The following CNTN5 variants were observed in gnomAD, a reference collection of about 807,000 sequenced individuals.
CNTN5 encodes contactin 5, also known as contactin-5.
In CNTN5, 77 loss-of-function variants were observed where a neutral mutation model predicts 129.1. The ratio of observed to expected loss-of-function variants is 0.60; its 90% CI spans 0.50 to 0.72. CNTN5 has a LOEUF of 0.72. Ranked by LOEUF, CNTN5 falls within the 30% of genes least tolerant of loss-of-function variation. The pLI is 0.00. For synonymous variants in CNTN5, 509 were observed against 465.6 expected (o/e 1.09, Z -1.20); for missense variants, 1,478 against 1,328.8 (o/e 1.11, Z -1.75).
At chr11:99,207,261 T>A (rs890658493) in intron 1 of CNTN5, among the ~76,000 whole-genome samples, 5 of 152,174 alleles carry the variant, frequency 3.3e-5, no homozygotes, top group Non-Finnish European at 7.3e-5. Flanking sequence ...CTGAAGCATG[T>A]ACCACATACA....
chr11:99,483,472 G>A (rs1026463369), intron 2 of CNTN5, among the ~76,000 whole-genome samples: 2 of 152,034 alleles, frequency 1.3e-5, no homozygotes, highest in Non-Finnish European at 2.9e-5. Context: ...TAAACTCCAC[G>A]ATTTTGTCTC....
At chr11:100,150,777 C>T (rs1385913650) in intron 13 of CNTN5, among the ~76,000 whole-genome samples, 1 of 152,040 alleles carries the variant, frequency 6.6e-6, no homozygotes, top group Non-Finnish European at 1.5e-5. Context: ...ACATTAACAA[C>T]AATATTGCAT....
At chr11:99,140,852 C>T (rs927474520) in intron 1 of CNTN5, among the ~76,000 whole-genome samples, 6 of 150,992 alleles carry the variant, frequency 4.0e-5, no homozygotes, top group African/African-American at 4.9e-5. Flanking sequence ...CCTACTTGAT[C>T]GTGGTGGATT....
chr11:99,545,568 C>A (rs892415710), intron 2 of CNTN5, among the ~76,000 whole-genome samples: 7 of 152,134 alleles, frequency 4.6e-5, no homozygotes, highest in Non-Finnish European at 8.8e-5. Flanking sequence ...TTATTCATAT[C>A]ACGTTATACA....
At chr11:99,156,003 C>A (rs1330747026) in intron 1 of CNTN5, among the ~76,000 whole-genome samples, 1 of 151,796 alleles carries the variant, frequency 6.6e-6, no homozygotes, top group Non-Finnish European at 1.5e-5. Flanking sequence ...AAAATGTAGA[C>A]AAATATTTTT....
intron 6 of CNTN5, among the ~76,000 whole-genome samples, chr11:99,850,148 C>G (rs1477177461): frequency 6.6e-6 from 1 of 152,122 alleles, no homozygotes; most frequent in African/African-American, 2.4e-5. Context: ...CATTGAGTTT[C>G]TTTCCAGATC....
intron 1 of CNTN5, among the ~76,000 whole-genome samples, chr11:99,266,565 G>C (rs1862904980): frequency 6.6e-6 from 1 of 152,014 alleles, no homozygotes; most frequent in Admixed American, 6.6e-5. Context: ...TTGCACCACG[G>C]CACTTCAGCC....
At chr11:99,390,041 C>T in intron 2 of CNTN5, among the ~76,000 whole-genome samples, 1 of 152,068 alleles carries the variant, frequency 6.6e-6, no homozygotes, top group Non-Finnish European at 1.5e-5. Flanking sequence ...TAGCACAATG[C>T]CTGACATATA....
chr11:99,744,335 A>G (rs1362596111), intron 3 of CNTN5, among the ~76,000 whole-genome samples: 1 of 151,878 alleles, frequency 6.6e-6, no homozygotes, highest in Non-Finnish European at 1.5e-5. Flanking sequence ...AAACAAACAA[A>G]CAAACAGAAA....
At chr11:99,613,674 C>G (rs1020690945) in intron 3 of CNTN5, among the ~76,000 whole-genome samples, 2 of 144,978 alleles carry the variant, frequency 1.4e-5, no homozygotes, top group African/African-American at 5.3e-5. Flanking sequence ...AACTAAAATC[C>G]TTATAGTAAA....
At chr11:99,060,920 G>A (rs1864849427) in intron 1 of CNTN5, among the ~76,000 whole-genome samples, 1 of 152,006 alleles carries the variant, frequency 6.6e-6, no homozygotes, top group South Asian at 2.1e-4. Flanking sequence ...CCTGACTCAT[G>A]TCTTCCCAAT....
At chr11:100,199,765 G>T (rs1948730828) in intron 15 of CNTN5, among the ~76,000 whole-genome samples, 1 of 151,774 alleles carries the variant, frequency 6.6e-6, no homozygotes. Context: ...ATCAATATAT[G>T]CCATTTAATT....
chr11:99,857,043 T>C (rs1412483123), intron 6 of CNTN5, among the ~76,000 whole-genome samples: 1 of 149,982 alleles, frequency 6.7e-6, no homozygotes, highest in Non-Finnish European at 1.5e-5. Flanking sequence ...TCCCTCTCTC[T>C]CTCCCTCCCT....
chr11:99,187,534 T>C (rs924856841), intron 1 of CNTN5, among the ~76,000 whole-genome samples: 1 of 151,932 alleles, frequency 6.6e-6, no homozygotes, highest in African/African-American at 2.4e-5. Flanking sequence ...AATACAAATT[T>C]AATATCAATG....
At position 99,616,556 on chromosome 11, in the gene CNTN5, T is replaced by TA. The variant is rs1424283339; in HGVS notation, c.55+60288dup. ...GATATAGATATGAATAGAATATGGA[T>TA]ATTTTCTTATAATCTAGTAGAGAAT... On this transcript the variant is annotated intron_variant, in intron 3 of 24. Transcript: ENST00000524871. 5.3e-5 allele frequency among the ~76,000 whole-genome samples: 8 copies of TA among 152,356 alleles called. No homozygotes were observed. The East Asian group carries it at 1.5e-3, about 29-fold the overall frequency.
At chr11:99,177,161 A>G (rs1356144554) in intron 1 of CNTN5, among the ~76,000 whole-genome samples, 2 of 151,938 alleles carry the variant, frequency 1.3e-5, no homozygotes, top group Non-Finnish European at 2.9e-5. Context: ...TTCTGGTGCC[A>G]CCTTCTCAGT....
chr11:99,590,800 A>G (rs551381956), intron 3 of CNTN5, among the ~76,000 whole-genome samples: 1 of 152,334 alleles, frequency 6.6e-6, no homozygotes, highest in South Asian at 2.1e-4. Flanking sequence ...CATCTTGACC[A>G]TGCTAGGGTT....
chr11:99,207,173 C>A (rs1387260755), intron 1 of CNTN5, among the ~76,000 whole-genome samples: 2 of 152,026 alleles, frequency 1.3e-5, no homozygotes, highest in African/African-American at 4.8e-5. Flanking sequence ...TACATGAAAT[C>A]TTTTGATGAA....
intron 16 of CNTN5, among the ~76,000 whole-genome samples, chr11:100,236,348 C>A (rs905429139): frequency 2.0e-5 from 3 of 152,212 alleles, no homozygotes; most frequent in Non-Finnish European, 4.4e-5. Context: ...TGGCATTGCC[C>A]CAGTTTGGAA....
Sources: gnomAD v4.1 joint callset for allele counts (sites outside exome capture counted in the v4.1 genomes callset) on GRCh38, gnomAD v4.1.1 for gene constraint, MANE v1.5 for transcripts, NCBI Gene and HGNC (gene_info 2026-07-23, HGNC 2026-07-21) for gene names.